The following ANOS1 variants were observed in gnomAD, a reference collection of about 807,000 sequenced individuals.
ANOS1 encodes anosmin-1.
Under a neutral mutation model 59.0 loss-of-function variants are expected in ANOS1, and 6 were observed. The observed-to-expected ratio is 0.10, with a 90% CI of 0.06 to 0.20. The LOEUF (loss-of-function observed/expected upper bound fraction) is 0.20. Among genes scored for constraint, ANOS1 ranks in the 10% least tolerant of loss-of-function variants. The pLI is 1.00. For synonymous variants in ANOS1, 217 were observed against 223.4 expected (o/e 0.97, Z 0.25); for missense variants, 433 against 542.3 (o/e 0.80, Z 2.00).
intron 2 of ANOS1, among the ~76,000 whole-genome samples, chrX:8,671,000 T>G (rs1952796035): frequency 9.0e-6 from 1 of 111,374 alleles, no homozygotes; most frequent in Non-Finnish European, 1.9e-5. Context: ...CAGCCTCACC[T>G]GAGTGAGCTA....
At chrX:8,546,919 G>A (rs772483091) in intron 9 of ANOS1, among the ~76,000 whole-genome samples, 4 of 111,580 alleles carry the variant, frequency 3.6e-5, no homozygotes, top group Admixed American at 1.9e-4. Context: ...TACAGTCTAT[G>A]TCTGTTGGTG....
At position 8,587,988 on chromosome X, in the gene ANOS1, G is replaced by A. The variant is rs185561659; in HGVS notation, c.542-10C>T. 2.5e-6 allele frequency: 3 copies of A among 1,196,297 alleles called. No homozygotes were observed. The highest frequency in any genetic ancestry group is 3.4e-6 in the Non-Finnish European group (3 of 882,968). ...GGCTTCAGGGGGACACCTGAAACAG[G>A]ACCGTATCAATTAAAACAATCTGCG... is the stretch of plus-strand genomic sequence containing the variant. On this transcript the variant is annotated splice_polypyrimidine_tract_variant and intron_variant, in intron 4 of 13. Coordinates refer to ENST00000262648, the MANE Select transcript of ANOS1 (RefSeq NM_000216.4).
At chrX:8,557,522 A>T (rs1218797541) in intron 8 of ANOS1, among the ~76,000 whole-genome samples, 1 of 112,596 alleles carries the variant, frequency 8.9e-6, no homozygotes, top group Non-Finnish European at 1.9e-5. Flanking sequence ...AAGGATATGA[A>T]CAGACACTTC....
intron 7 of ANOS1, among the ~76,000 whole-genome samples, chrX:8,570,140 CAAA>C (rs34481364): frequency 1.6e-4 from 12 of 73,847 alleles, no homozygotes; most frequent in African/African-American, 4.7e-4. Context: ...CTCTCTCTCT[CAAA>C]AAAAAAAAAA....
intron 9 of ANOS1, among the ~76,000 whole-genome samples, chrX:8,541,500 T>C (rs1489128260): frequency 1.0e-5 from 1 of 99,160 alleles, no homozygotes; most frequent in Non-Finnish European, 2.0e-5. Flanking sequence ...AAAGTGCTGA[T>C]TTTATATAAG....
chrX:8,572,732 C>T (rs1331646269), intron 6 of ANOS1, among the ~76,000 whole-genome samples: 1 of 111,889 alleles, frequency 8.9e-6, no homozygotes, highest in Non-Finnish European at 1.9e-5. Context: ...ATGTCCAAGA[C>T]TTATACTGGG....
intron 2 of ANOS1, among the ~76,000 whole-genome samples, chrX:8,637,756 A>G (rs1232155884): frequency 8.9e-6 from 1 of 112,757 alleles, no homozygotes; most frequent in South Asian, 3.6e-4. Context: ...CCCACCTTCC[A>G]GTGGAAGAGG....
chrX:8,612,519 C>CA (rs1182173390), intron 3 of ANOS1, among the ~76,000 whole-genome samples: 2 of 77,550 alleles, frequency 2.6e-5, no homozygotes, highest in African/African-American at 1.0e-4. Flanking sequence ...TAGGAAATGA[C>CA]AAAAAAATAA....
chrX:8,544,339 G>A (rs1421236242), intron 9 of ANOS1, among the ~76,000 whole-genome samples: 1 of 85,707 alleles, frequency 1.2e-5, no homozygotes, highest in Non-Finnish European at 2.3e-5. Flanking sequence ...TTCCATCAGG[G>A]TAGGGATTTC....
intron 2 of ANOS1, among the ~76,000 whole-genome samples, chrX:8,691,078 T>TC (rs1396408126): frequency 9.3e-6 from 1 of 107,535 alleles, no homozygotes; most frequent in Non-Finnish European, 1.9e-5. Flanking sequence ...GAGAAATCTT[T>TC]TTTTTTTTTT....
At chrX:8,698,437 A>G (rs1035085147) in intron 2 of ANOS1, among the ~76,000 whole-genome samples, 2 of 112,467 alleles carry the variant, frequency 1.8e-5, no homozygotes, top group African/African-American at 6.4e-5. Flanking sequence ...TCATTCCTAT[A>G]ATACACGATT....
intron 2 of ANOS1, among the ~76,000 whole-genome samples, chrX:8,679,770 C>G (rs1407029917): frequency 9.0e-6 from 1 of 111,326 alleles, no homozygotes; most frequent in Non-Finnish European, 1.9e-5. Flanking sequence ...TCAAAAATAG[C>G]TCTCACGCTG....
At position 8,719,059 on chromosome X, in the gene ANOS1, C is replaced by A. The variant is rs73477326; in HGVS notation, c.207+12771G>T. ...TATCAGTTGGAAAGCAAACTAATGA[C>A]CCTGAAATGCAATCCTCCTTGGCAT... On this transcript the variant is annotated intron_variant, in intron 1 of 13. Transcript: ENST00000262648. 5.8e-3 allele frequency among the ~76,000 whole-genome samples: 646 copies of A among 111,906 alleles called. 3 individuals are homozygous for A. The highest frequency in any genetic ancestry group is 0.02 in the African/African-American group (602 of 30,823).
At chrX:8,662,418 A>G (rs1407010510) in intron 2 of ANOS1, among the ~76,000 whole-genome samples, 1 of 111,698 alleles carries the variant, frequency 9.0e-6, no homozygotes, top group African/African-American at 3.3e-5. Context: ...CGGGCCATGC[A>G]GTTTCCACTG....
At chrX:8,609,943 C>T (rs12846835) in intron 3 of ANOS1, among the ~76,000 whole-genome samples, 36,889 of 94,063 alleles carry the variant, frequency 0.39, 5,662 homozygotes, top group South Asian at 0.46. Flanking sequence ...GGAGGCGGAG[C>T]TTGCAGTGAG....
At chrX:8,668,393 T>TAATATATATA in intron 2 of ANOS1, among the ~76,000 whole-genome samples, 1 of 44,837 alleles carries the variant, frequency 2.2e-5, no homozygotes, top group Non-Finnish European at 4.5e-5. Context: ...TAGTATTCCA[T>TAATATATATA]CATATATATA....
At chrX:8,691,081 T>C (rs1473483098) in intron 2 of ANOS1, among the ~76,000 whole-genome samples, 2 of 108,726 alleles carry the variant, frequency 1.8e-5, no homozygotes, top group Admixed American at 2.0e-4. Flanking sequence ...AAATCTTTTT[T>C]TTTTTTTTTT....
At chrX:8,572,928 C>T (rs746727352) in intron 6 of ANOS1, among the ~76,000 whole-genome samples, 43 of 111,108 alleles carry the variant, frequency 3.9e-4, no homozygotes, top group Non-Finnish European at 7.9e-4. Flanking sequence ...ATGGGAAGCA[C>T]CCCAATATGG....
At chrX:8,675,312 A>T (rs1932319116) in intron 2 of ANOS1, among the ~76,000 whole-genome samples, 1 of 112,049 alleles carries the variant, frequency 8.9e-6, no homozygotes, top group Non-Finnish European at 1.9e-5. Flanking sequence ...ATATGGTAAT[A>T]CATAAACTGA....
Sources: allele counts gnomAD v4.1 joint callset (sites outside exome capture counted in the v4.1 genomes callset), GRCh38; gene constraint gnomAD v4.1.1; transcripts MANE v1.5; gene names NCBI Gene and HGNC (gene_info 2026-07-23, HGNC 2026-07-21).